Variants in TARS3 observed in about 807,000 individuals in gnomAD.
TARS3 encodes the protein threonine--tRNA ligase 2, cytoplasmic.
In TARS3, 94 loss-of-function variants were observed where a neutral mutation model predicts 103.5. The ratio of observed to expected loss-of-function variants is 0.91; its 90% CI spans 0.77 to 1.08. The LOEUF is 1.08. Among genes scored for constraint, TARS3 ranks in the 50% least tolerant of loss-of-function variants. The pLI, the probability that TARS3 is intolerant of heterozygous loss-of-function variation, is 0.00. For synonymous variants in TARS3, 416 were observed against 355.4 expected (o/e 1.17, Z -1.92); for missense variants, 952 against 995.2 (o/e 0.96, Z 0.58).
intron 10 of TARS3, among the ~76,000 whole-genome samples, chr15:101,693,612 TAGC>T (rs1898833878): frequency 6.6e-6 from 1 of 152,152 alleles, no homozygotes; most frequent in African/African-American, 2.4e-5. Context: ...TGAATGACAA[TAGC>T]AGTTTTCATA....
intron 2 of TARS3, among the ~76,000 whole-genome samples, chr15:101,721,989 GCA>G (rs1900489246): frequency 6.6e-6 from 1 of 152,162 alleles, no homozygotes; most frequent in African/African-American, 2.4e-5. Flanking sequence ...AGTGTTCTGA[GCA>G]CTTTTAATGT....
chr15:101,670,388 TA>T (rs1267466825), intron 15 of TARS3, among the ~76,000 whole-genome samples: 1 of 152,142 alleles, frequency 6.6e-6, no homozygotes, highest in Non-Finnish European at 1.5e-5. Context: ...CCAAAGAGGA[TA>T]AATGAATAGC....
At chr15:101,706,547 G>A (rs932167272) in intron 6 of TARS3, among the ~76,000 whole-genome samples, 18 of 152,094 alleles carry the variant, frequency 1.2e-4, no homozygotes, top group African/African-American at 4.3e-4. Flanking sequence ...GTTTCTATTG[G>A]ACAGTACTGT....
Position 101,714,902 on chromosome 15 carries a change from G to A in TARS3, c.628C>T (p.Arg210Cys), listed in dbSNP as rs757889015. The change falls in exon 4 of 19, where the codon CGC becomes TGC. Residue 210 changes from arginine (R) to cysteine (C), a missense_variant. Physicochemically the swap from Arg to Cys is radical, Grantham distance 180. Around this residue, in one of 2 missense-constraint regions of TARS3, gnomAD observed 412 missense variants for 364.2 expected, o/e 1.13. Transcript: ENST00000335968. ...KVNGELWDLD[R>C]PLEGDSSLEL... ...AGAGAAGAGTCCCCTTCCAATGGGC[G>A]GTCCAGGTCCCACAGTTCACCATTG... 6.2e-6 allele frequency: 10 copies of A among 1,613,140 alleles called. No individual in the cohort carries two copies. Among genetic ancestry groups the A allele is most frequent in the African/African-American group, 1.3e-5 (1 of 74,976 alleles).
chr15:101,707,796 T>C (rs1899644972), intron 6 of TARS3, among the ~76,000 whole-genome samples: 1 of 152,242 alleles, frequency 6.6e-6, no homozygotes, highest in African/African-American at 2.4e-5. Context: ...ATTGTCAATG[T>C]ACTTAATGCC....
At chr15:101,722,487 C>A in intron 2 of TARS3, among the ~76,000 whole-genome samples, 1 of 143,466 alleles carries the variant, frequency 7.0e-6, no homozygotes. Context: ...TATACAAAAG[C>A]AAAGTAGCTA....
At chr15:101,701,900 A>G (rs1289645130) in intron 9 of TARS3, among the ~76,000 whole-genome samples, 1 of 152,172 alleles carries the variant, frequency 6.6e-6, no homozygotes, top group East Asian at 1.9e-4. Context: ...CTCAGCTTCC[A>G]GAGTAGCTGG....
intron 13 of TARS3, 132 bp from the exon 14 acceptor site, chr15:101,671,880 CA>C (rs1316585653): frequency 2.7e-6 from 2 of 740,228 alleles, no homozygotes; most frequent in Non-Finnish European, 4.4e-6. Flanking sequence ...GCATCTTTTA[CA>C]TTCAATAAAC....
chr15:101,712,094 G>C, intron 4 of TARS3, 93 bp from the exon 5 acceptor site: 1 of 1,390,238 alleles, frequency 7.2e-7, no homozygotes, highest in Admixed American at 2.5e-5. Context: ...AAATTTTAAG[G>C]AGATACATGG....
rs1389559024 is a variant in TARS3 at position 101,685,787 on chromosome 15, ACT to A, written c.1487+107_1487+108del. The stretch of plus-strand genomic sequence containing the variant: ...AACTTAGTAAAAATTAGTAATCACC[ACT>A]CTTCAGATTAAAGGGACTCTTTCAT... On this transcript the variant is annotated intron_variant, in intron 11 of 18. Coordinates refer to ENST00000335968, the MANE Select transcript of TARS3 (RefSeq NM_152334.3). 1.4e-5 allele frequency: 12 copies of A among 856,142 alleles called. No homozygotes were observed. In the Admixed American group the frequency reaches 3.6e-4, roughly 26 times the overall value. The allele number at this position is 856,142 out of a possible 1,614,324, so 53.0% of individuals were successfully genotyped here.
chr15:101,683,898 T>G (rs922512820), intron 12 of TARS3, among the ~76,000 whole-genome samples, 177 bp downstream of exon 12: 4 of 152,226 alleles, frequency 2.6e-5, no homozygotes, highest in Non-Finnish European at 5.9e-5. Context: ...ATATTTCATG[T>G]CAAGAGATGA....
At chr15:101,658,797 TTC>T (rs1178648399) in intron 16 of TARS3, among the ~76,000 whole-genome samples, 10 of 152,106 alleles carry the variant, frequency 6.6e-5, no homozygotes, top group Admixed American at 2.6e-4. Flanking sequence ...TCTGTATAAC[TTC>T]TTTTTTATTT....
chr15:101,714,209 A>G (rs1016840053), intron 4 of TARS3, among the ~76,000 whole-genome samples: 4 of 152,210 alleles, frequency 2.6e-5, no homozygotes, highest in Admixed American at 2.0e-4. Context: ...TACATATTAA[A>G]TTATAAAGTA....
At chr15:101,657,753 T>C in intron 17 of TARS3, 32 bp downstream of exon 17, 1 of 1,466,404 alleles carries the variant, frequency 6.8e-7, no homozygotes, top group Non-Finnish European at 9.4e-7. Flanking sequence ...ACATGCAAGA[T>C]TATTATGTAC....
intron 7 of TARS3, among the ~76,000 whole-genome samples, chr15:101,704,917 G>A (rs1156757504): frequency 2.6e-5 from 4 of 152,138 alleles, no homozygotes; most frequent in Admixed American, 6.5e-5. Flanking sequence ...TTTACTTACA[G>A]TACAATTAAA....
intron 10 of TARS3, among the ~76,000 whole-genome samples, chr15:101,695,449 T>C (rs1203116313): frequency 6.6e-6 from 1 of 152,226 alleles, no homozygotes; most frequent in Non-Finnish European, 1.5e-5. Context: ...AAATGCTGAG[T>C]TGTATTCCAC....
At chr15:101,674,124 G>A (rs1006480949) in intron 13 of TARS3, among the ~76,000 whole-genome samples, 3 of 152,334 alleles carry the variant, frequency 2.0e-5, no homozygotes, top group East Asian at 3.9e-4. Context: ...GATGTGAACC[G>A]TCCTTTCGTC....
At chr15:101,705,622 C>T in intron 7 of TARS3, 61 bp downstream of exon 7, 4 of 1,435,312 alleles carry the variant, frequency 2.8e-6, no homozygotes, top group Non-Finnish European at 3.9e-6. Flanking sequence ...CAAACTCGGC[C>T]TCTACTGCTA....
intron 10 of TARS3, among the ~76,000 whole-genome samples, chr15:101,686,550 C>G (rs1898483512): frequency 1.3e-5 from 2 of 152,174 alleles, no homozygotes; most frequent in African/African-American, 2.4e-5. Flanking sequence ...CTCTCTCCCT[C>G]CCTACCTATT....
Sources: allele counts gnomAD v4.1 joint callset (sites outside exome capture counted in the v4.1 genomes callset), GRCh38; gene constraint gnomAD v4.1.1; regional missense constraint gnomAD v4.1.1; transcripts MANE v1.5; gene names NCBI Gene and HGNC (gene_info 2026-07-23, HGNC 2026-07-21).